Variants in MEGF9 observed in about 807,000 individuals in gnomAD.
MEGF9 encodes multiple epidermal growth factor-like domains protein 9.
In MEGF9, 6 loss-of-function variants were observed where a neutral mutation model predicts 46.8. That is an observed-to-expected ratio of 0.13 (90% CI 0.07 to 0.25). The LOEUF is 0.25. Ranked by LOEUF, MEGF9 falls within the 10% of genes least tolerant of loss-of-function variation. The pLI is 1.00. For missense variants in MEGF9, 683 were observed against 792.4 expected, an observed-to-expected ratio of 0.86 and a Z score of 1.66; for synonymous variants, 302 against 330.7, an observed-to-expected ratio of 0.91 and a Z score of 0.94.
intron 2 of MEGF9, among the ~76,000 whole-genome samples, chr9:120,646,754 ATTTATCT>A (rs1372742742): frequency 6.6e-6 from 1 of 152,116 alleles, no homozygotes; most frequent in African/African-American, 2.4e-5. Flanking sequence ...CCATTATCTT[ATTTATCT>A]TTTATCTCTC....
chr9:120,652,698 G>A (rs1389025274), intron 2 of MEGF9, among the ~76,000 whole-genome samples: 2 of 151,398 alleles, frequency 1.3e-5, no homozygotes, highest in African/African-American at 4.9e-5. Context: ...TATATTTATA[G>A]GGGACATGTG....
intron 2 of MEGF9, among the ~76,000 whole-genome samples, chr9:120,634,270 C>T (rs180731297): frequency 1.3e-3 from 202 of 151,900 alleles, no homozygotes; most frequent in Admixed American, 2.0e-3. Context: ...TGTGGGTGCT[C>T]CAGTGTTGGG....
In MEGF9 at chr9:120,617,136, C is replaced by T. The variant is rs1053283712; in HGVS notation, c.944-4597G>A. On this transcript the variant is annotated intron_variant, in intron 3 of 5. Coordinates refer to ENST00000373930, the MANE Select transcript of MEGF9 (RefSeq NM_001080497.3). Reference sequence around the variant, plus strand: ...GCTGAAAGATGGCCAAAGGGTGGATCAAAAGAAAAAGGAATGTTTCCTGAA... The same window carrying T: ...GCTGAAAGATGGCCAAAGGGTGGATTAAAAGAAAAAGGAATGTTTCCTGAA... Among the ~76,000 whole-genome samples the T allele has an allele frequency of 2.0e-5, 3 of 151,910 alleles. No individual in the cohort carries two copies. In the South Asian group the frequency reaches 6.2e-4, roughly 31 times the overall value.
intron 2 of MEGF9, among the ~76,000 whole-genome samples, chr9:120,652,869 G>A (rs2043659848): frequency 6.6e-6 from 1 of 151,854 alleles, no homozygotes; most frequent in Non-Finnish European, 1.5e-5. Flanking sequence ...CTGTATTTTT[G>A]TACTAATTAT....
At chr9:120,646,927 C>A (rs1039149486) in intron 2 of MEGF9, among the ~76,000 whole-genome samples, 2 of 151,856 alleles carry the variant, frequency 1.3e-5, no homozygotes, top group Admixed American at 6.6e-5. Context: ...AGGGGAGCTT[C>A]TCACAAAAAT....
chr9:120,713,575 A>G (rs2043962763), intron 1 of MEGF9, among the ~76,000 whole-genome samples, 183 bp downstream of exon 1: 1 of 152,132 alleles, frequency 6.6e-6, no homozygotes, highest in African/African-American at 2.4e-5. Flanking sequence ...ACGGGGGACA[A>G]AAGACTTTCC....
chr9:120,629,081 T>C (rs1191942073), intron 2 of MEGF9, among the ~76,000 whole-genome samples: 1 of 152,250 alleles, frequency 6.6e-6, no homozygotes, highest in Non-Finnish European at 1.5e-5. Flanking sequence ...GCTCAAGATA[T>C]CCTCCCACCT....
chr9:120,606,170 CAAAA>C (rs533329431), intron 5 of MEGF9, among the ~76,000 whole-genome samples: 1 of 65,968 alleles, frequency 1.5e-5, no homozygotes. Flanking sequence ...GACTCTGTCT[CAAAA>C]AAAAAAAAAA....
At chr9:120,663,877 T>C (rs942009477) in intron 1 of MEGF9, among the ~76,000 whole-genome samples, 15 of 152,228 alleles carry the variant, frequency 9.9e-5, no homozygotes, top group African/African-American at 3.6e-4. Flanking sequence ...CATTATTTCC[T>C]TTTATCGCCT....
intron 2 of MEGF9, among the ~76,000 whole-genome samples, chr9:120,631,847 T>C (rs2043552030): frequency 6.6e-6 from 1 of 152,212 alleles, no homozygotes; most frequent in African/African-American, 2.4e-5. Context: ...ATTAAATCTG[T>C]AGATCACTTT....
At chr9:120,710,569 A>G (rs935358915) in intron 1 of MEGF9, among the ~76,000 whole-genome samples, 7 of 152,182 alleles carry the variant, frequency 4.6e-5, no homozygotes, top group Non-Finnish European at 8.8e-5. Context: ...AAGGGCCCTA[A>G]CTGAGGGGCA....
chr9:120,699,604 T>C (rs2043894192), intron 1 of MEGF9, among the ~76,000 whole-genome samples: 3 of 150,786 alleles, frequency 2.0e-5, no homozygotes, highest in African/African-American at 7.3e-5. Context: ...ATGCCTGTAG[T>C]CCCAACTACT....
At chr9:120,663,503 G>T (rs1272886661) in intron 1 of MEGF9, among the ~76,000 whole-genome samples, 25 of 151,952 alleles carry the variant, frequency 1.6e-4, no homozygotes, top group Non-Finnish European at 1.2e-4. Context: ...AAGGAAGGAA[G>T]TTTCAATTGA....
intron 3 of MEGF9, among the ~76,000 whole-genome samples, chr9:120,618,105 G>A (rs1261827038): frequency 1.3e-5 from 2 of 152,164 alleles, no homozygotes; most frequent in Admixed American, 1.3e-4. Context: ...TATATAGATG[G>A]CATTTAAATT....
At position 120,601,984 on chromosome 9, in the gene MEGF9, A is replaced by T. The variant is rs554939429; in HGVS notation, c.*3206T>A. The T allele has an allele frequency of 6.6e-6, 1 of 152,136 alleles. No individual in the cohort carries two copies. The highest frequency in any genetic ancestry group is 1.5e-5 in the Non-Finnish European group (1 of 68,028). 9.4% of individuals were successfully genotyped at this position (152,136 alleles called of 1,614,324 possible). On this transcript the variant is annotated 3_prime_UTR_variant, in exon 6 of 6. Coordinates refer to ENST00000373930, the MANE Select transcript of MEGF9 (RefSeq NM_001080497.3). The stretch of plus-strand genomic sequence containing the variant: ...ATAAACAGATTTCCAATCCTTACAC[A>T]AACATTCTCCCAATATTAGGCTTTC...
intron 1 of MEGF9, among the ~76,000 whole-genome samples, chr9:120,680,413 T>A (rs1161195261): frequency 6.6e-6 from 1 of 152,198 alleles, no homozygotes; most frequent in Non-Finnish European, 1.5e-5. Context: ...CTGGATAAGA[T>A]CTGGAATTCT....
chr9:120,622,489 A>T, intron 3 of MEGF9, 127 bp downstream of exon 3: 1 of 704,242 alleles, frequency 1.4e-6, no homozygotes, highest in Non-Finnish European at 2.1e-6. Context: ...GCTGTGATCT[A>T]GTACATCCTA....
chr9:120,632,474 T>C (rs1034343800), intron 2 of MEGF9, among the ~76,000 whole-genome samples: 12 of 152,224 alleles, frequency 7.9e-5, no homozygotes, highest in African/African-American at 2.9e-4. Context: ...TGAATTCATT[T>C]ATCAGTTCTA....
intron 2 of MEGF9, among the ~76,000 whole-genome samples, chr9:120,641,813 G>A (rs1460244600): frequency 6.6e-6 from 1 of 152,134 alleles, no homozygotes; most frequent in Admixed American, 6.5e-5. Flanking sequence ...GCATAGTGAT[G>A]AACCCTGAAT....
Sources: allele counts gnomAD v4.1 joint callset (sites outside exome capture counted in the v4.1 genomes callset), GRCh38; gene constraint gnomAD v4.1.1; transcripts MANE v1.5; gene names NCBI Gene and HGNC (gene_info 2026-07-23, HGNC 2026-07-21).